The following CRISP2 variants were observed in gnomAD, a reference collection of about 807,000 sequenced individuals.
CRISP2 encodes cysteine-rich secretory protein 2.
In CRISP2, 29 loss-of-function variants were observed where a neutral mutation model predicts 31.7. The ratio of observed to expected loss-of-function variants is 0.92; its 90% confidence interval spans 0.68 to 1.25. The LOEUF is 1.25. Ranked by LOEUF, CRISP2 falls within the 50% of genes most tolerant of loss-of-function variation. CRISP2 has a pLI of 0.00. For synonymous variants in CRISP2, 111 were observed against 101.4 expected (o/e 1.09, Z -0.57); for missense variants, 318 against 286.5 (o/e 1.11, Z -0.79).
the CRISP2 span, among the ~76,000 whole-genome samples, chr6:49,679,469 CA>C: frequency 6.6e-6 from 1 of 151,958 alleles, no homozygotes; most frequent in African/African-American, 2.4e-5. Context: ...AAAATGAGAG[CA>C]AAGGGAAATG....
At chr6:49,708,846 T>G (rs956725780) in intron 4 of CRISP2, among the ~76,000 whole-genome samples, 2 of 152,256 alleles carry the variant, frequency 1.3e-5, no homozygotes, top group Non-Finnish European at 2.9e-5. Flanking sequence ...TTCTAAATGT[T>G]TGAAATCTAG....
At chr6:49,703,393 T>G (rs939887294) in intron 4 of CRISP2, among the ~76,000 whole-genome samples, 2 of 152,170 alleles carry the variant, frequency 1.3e-5, no homozygotes, top group African/African-American at 4.8e-5. Context: ...GCATTAAATT[T>G]GTAGATTGCT....
chr6:49,701,947 TATAATATATTATATTATACATAATATATA>T (rs1766015641), intron 4 of CRISP2, among the ~76,000 whole-genome samples: 1 of 1,274 alleles, frequency 7.8e-4, no homozygotes, highest in Admixed American at 0.015. Context: ...ATATATGTAA[TATAATATATTATATTATACATAATATATA>T]ATATATATAA....
chr6:49,690,779 T>C (rs954232186), downstream of CRISP2, among the ~76,000 whole-genome samples: 43 of 152,162 alleles, frequency 2.8e-4, no homozygotes, highest in Admixed American at 1.4e-3. Flanking sequence ...AACTATACAG[T>C]ATCTAAGAAT....
At chr6:49,691,826 G>A (rs1213527252), downstream of CRISP2, among the ~76,000 whole-genome samples, 1 of 152,000 alleles carries the variant, frequency 6.6e-6, no homozygotes, top group Non-Finnish European at 1.5e-5. Flanking sequence ...AATGGTTATA[G>A]GATGATTCAG....
At chr6:49,709,065 C>G in intron 4 of CRISP2, 66 bp downstream of exon 4, 1 of 1,403,590 alleles carries the variant, frequency 7.1e-7, no homozygotes, top group East Asian at 2.3e-5. Context: ...CCTTTACTTT[C>G]AGAATAGCCT....
the CRISP2 span, among the ~76,000 whole-genome samples, chr6:49,680,884 C>A: frequency 6.6e-6 from 1 of 152,052 alleles, no homozygotes; most frequent in Non-Finnish European, 1.5e-5. Context: ...CCTGTAGATG[C>A]TAGATATTAG....
At chr6:49,688,441 A>C (rs993269896), downstream of CRISP2, among the ~76,000 whole-genome samples, 1 of 152,058 alleles carries the variant, frequency 6.6e-6, no homozygotes, top group African/African-American at 2.4e-5. Flanking sequence ...TTTTTTTTCA[A>C]TTAGGAAAAT....
intron 6 of CRISP2, 85 bp downstream of exon 6, chr6:49,699,719 G>A: frequency 2.1e-6 from 2 of 939,182 alleles, no homozygotes; most frequent in Non-Finnish European, 3.3e-6. Flanking sequence ...TATTTTCAAA[G>A]TCTTCTTATT....
chr6:49,708,965 T>A (rs1767533628), intron 4 of CRISP2, among the ~76,000 whole-genome samples, 166 bp downstream of exon 4: 1 of 152,184 alleles, frequency 6.6e-6, no homozygotes, highest in East Asian at 1.9e-4. Flanking sequence ...ACATACAGCA[T>A]AACCTTGGCC....
intron 2 of CRISP2, among the ~76,000 whole-genome samples, chr6:49,711,584 A>G (rs1768018384): frequency 6.6e-6 from 1 of 152,178 alleles, no homozygotes; most frequent in Non-Finnish European, 1.5e-5. Context: ...GGCACACGAT[A>G]ATCTGCATGT....
intron 3 of CRISP2, among the ~76,000 whole-genome samples, chr6:49,710,227 A>G (rs562436998): frequency 5.2e-4 from 79 of 152,304 alleles, no homozygotes; most frequent in African/African-American, 1.8e-3. Context: ...ATGTGCAAAA[A>G]AGGGATGAGG....
chr6:49,682,587 T>TTTC, the CRISP2 span, among the ~76,000 whole-genome samples: 1 of 83,616 alleles, frequency 1.2e-5, no homozygotes, highest in Non-Finnish European at 2.3e-5. Flanking sequence ...CTTTCTTTCT[T>TTTC]TTTCTTTCTT....
At chr6:49,685,085 G>A in the CRISP2 span, among the ~76,000 whole-genome samples, 1 of 152,130 alleles carries the variant, frequency 6.6e-6, no homozygotes, top group African/African-American at 2.4e-5. Flanking sequence ...TGGGCTCCCC[G>A]GATGCCTCCC....
chr6:49,686,055 A>T, the CRISP2 span, among the ~76,000 whole-genome samples: 1 of 152,200 alleles, frequency 6.6e-6, no homozygotes, highest in Non-Finnish European at 1.5e-5. Context: ...TTGCATCAAC[A>T]TTTTGCAAAA....
rs777709973 is a variant in CRISP2 at position 49,692,847 on chromosome 6, T to C, written c.658A>G (p.Thr220Ala). ...AGTAACTCATGTTCACAGCCAGCTG[T>C]ATTCTTCAAGGAATCACAGTTACTT... The part of the protein sequence containing the change: ...LLSNCDSLKN[T>A]AGCEHELLKE... The change falls in exon 10 of 10, where the codon ACA (threonine) becomes GCA (alanine). Residue 220 changes from threonine to alanine, a missense_variant. Thr to Ala is a moderately conservative substitution (Grantham distance 58). Coordinates refer to ENST00000339139, the MANE Select transcript of CRISP2 (RefSeq NM_003296.4). 5 of 1,613,760 alleles carry C rather than the reference T, an allele frequency of 3.1e-6. No homozygotes were observed. The highest frequency in any genetic ancestry group is 4.2e-6 in the Non-Finnish European group (5 of 1,179,786).
chr6:49,700,135 G>A (rs537752809), intron 5 of CRISP2, among the ~76,000 whole-genome samples: 177 of 152,242 alleles, frequency 1.2e-3, no homozygotes, highest in Middle Eastern at 6.8e-3. Flanking sequence ...TGATAGCAAA[G>A]CAGCCATACC....
chr6:49,679,701 C>CATTT, the CRISP2 span, among the ~76,000 whole-genome samples: 5 of 140,024 alleles, frequency 3.6e-5, no homozygotes, highest in South Asian at 2.3e-4. Flanking sequence ...TTTTTTTTGA[C>CATTT]ATTTATTTAT....
At chr6:49,685,561 G>T in the CRISP2 span, among the ~76,000 whole-genome samples, 2 of 151,966 alleles carry the variant, frequency 1.3e-5, no homozygotes, top group Non-Finnish European at 2.9e-5. Flanking sequence ...TGAGAAACCT[G>T]GTTCTCATTA....
Sources: gnomAD v4.1 joint callset for allele counts (sites outside exome capture counted in the v4.1 genomes callset) on GRCh38, gnomAD v4.1.1 for gene constraint, MANE v1.5 for transcripts, NCBI Gene and HGNC (gene_info 2026-07-23, HGNC 2026-07-21) for gene names.